SYN3: variants seen among roughly 807,000 people sequenced by gnomAD.
SYN3 encodes the protein synapsin III.
SYN3 carries 35 observed loss-of-function variants against 65.8 expected under a neutral mutation model. The observed-to-expected ratio is 0.53, with a 90% CI of 0.41 to 0.70. The LOEUF (loss-of-function observed/expected upper bound fraction) is 0.70. Ranked by LOEUF, SYN3 falls within the 30% of genes least tolerant of loss-of-function variation. The probability of loss-of-function intolerance (pLI) is 0.00; values close to 1 mark genes in which losing one functional copy is unlikely to be tolerated. For synonymous variants in SYN3, 270 were observed against 292.9 expected (o/e 0.92, Z 0.80); for missense variants, 680 against 749.0 (o/e 0.91, Z 1.08).
At chr22:32,674,784 T>G (rs2060417449) in intron 6 of SYN3, among the ~76,000 whole-genome samples, 1 of 152,214 alleles carries the variant, frequency 6.6e-6, no homozygotes. Flanking sequence ...CCATGATGGC[T>G]TAATAACTTT....
chr22:32,569,897 G>A (rs976104984), intron 7 of SYN3, among the ~76,000 whole-genome samples: 2 of 152,168 alleles, frequency 1.3e-5, no homozygotes, highest in African/African-American at 4.8e-5. Context: ...GTCATTAACC[G>A]TAAGCACCTT....
At chr22:32,524,947 G>A (rs112288230) in intron 12 of SYN3, among the ~76,000 whole-genome samples, 4 of 152,322 alleles carry the variant, frequency 2.6e-5, no homozygotes, top group African/African-American at 9.6e-5. Flanking sequence ...CCCGCGAGGT[G>A]GAGCTTGCGG....
At chr22:32,532,290 G>A (rs533048046) in intron 10 of SYN3, among the ~76,000 whole-genome samples, 190 of 152,246 alleles carry the variant, frequency 1.2e-3, no homozygotes, top group African/African-American at 3.9e-3. Flanking sequence ...GGACCTGGTG[G>A]GGTCTCAGGA....
chr22:32,806,885 A>G (rs1490461727), intron 6 of SYN3, among the ~76,000 whole-genome samples: 1 of 151,896 alleles, frequency 6.6e-6, no homozygotes, highest in Non-Finnish European at 1.5e-5. Flanking sequence ...TTTTCTTCCT[A>G]TACATTTACA....
intron 4 of SYN3, among the ~76,000 whole-genome samples, chr22:32,877,365 C>T (rs140524931): frequency 1.3e-5 from 2 of 152,296 alleles, no homozygotes; most frequent in African/African-American, 4.8e-5. Context: ...AAGGAACTCA[C>T]CAAGGTCACG....
intron 3 of SYN3, among the ~76,000 whole-genome samples, chr22:32,942,494 GA>G (rs1012593573): frequency 1.4e-4 from 22 of 152,164 alleles, no homozygotes; most frequent in Admixed American, 6.5e-4. Flanking sequence ...CAAAGATGGG[GA>G]AAAAACAGAG....
intron 6 of SYN3, among the ~76,000 whole-genome samples, chr22:32,757,021 T>C (rs1260281305): frequency 2.0e-5 from 3 of 150,102 alleles, no homozygotes; most frequent in African/African-American, 7.4e-5. Flanking sequence ...CAAAGTATAA[T>C]TGTCCCTTAA....
intron 1 of SYN3, among the ~76,000 whole-genome samples, chr22:33,021,585 T>C (rs1259799979): frequency 6.6e-6 from 1 of 152,224 alleles, no homozygotes; most frequent in Non-Finnish European, 1.5e-5. Flanking sequence ...TAGTTGCCTT[T>C]GCACTGTCTG....
At chr22:32,934,998 T>C (rs2050731724) in intron 3 of SYN3, among the ~76,000 whole-genome samples, 1 of 152,226 alleles carries the variant, frequency 6.6e-6, no homozygotes, top group Non-Finnish European at 1.5e-5. Context: ...AGGTCTCCCC[T>C]GGAGCCTTCA....
chr22:32,542,567 TTTGC>T (rs1001520045), intron 7 of SYN3, among the ~76,000 whole-genome samples: 49 of 151,004 alleles, frequency 3.2e-4, no homozygotes, highest in Admixed American at 2.7e-3. Flanking sequence ...GTGTGGTGTG[TTTGC>T]TGTGTGTGGT....
chr22:32,575,411 TGGGTGGGGGTTCCCCAAGCATGG>T (rs2058837030), intron 7 of SYN3, among the ~76,000 whole-genome samples: 1 of 149,826 alleles, frequency 6.7e-6, no homozygotes, highest in South Asian at 2.1e-4. Flanking sequence ...GGCGAGGGAG[TGGGTGGGGGTTCCCCAAGCATGG>T]GGGTGGGGGT....
intron 5 of SYN3, among the ~76,000 whole-genome samples, chr22:32,865,994 G>A (rs547621530): frequency 1.3e-5 from 2 of 152,308 alleles, no homozygotes; most frequent in African/African-American, 4.8e-5. Context: ...CCATGCTGTG[G>A]CGTCAGTTGC....
intron 4 of SYN3, chr22:32,931,004 T>A (rs1196693886): frequency 1.2e-5 from 2 of 165,756 alleles, no homozygotes; most frequent in East Asian, 3.3e-4. Context: ...GTACCGCACT[T>A]CAGAGTTAAC....
intron 4 of SYN3, among the ~76,000 whole-genome samples, chr22:32,908,930 T>G (rs1004480784): frequency 2.0e-5 from 3 of 152,166 alleles, no homozygotes; most frequent in Non-Finnish European, 4.4e-5. Flanking sequence ...TAGGGCAGAT[T>G]ATCATAGCAA....
chr22:32,811,673 G>A lies in SYN3; in HGVS notation c.711+53242C>T, dbSNP rs115930274. On this transcript the variant is annotated intron_variant, in intron 6 of 13. Transcript: ENST00000358763. ...TCATTTGATGACAACTTCGCAACGA[G>A]GAAAGCAGGATGGTGATTGGGGGGT... Among the ~76,000 whole-genome samples the A allele has an allele frequency of 5.7e-3, 866 of 152,264 alleles. 11 individuals carry two copies. Among genetic ancestry groups the A allele is most frequent in the African/African-American group, 0.018 (750 of 41,558 alleles).
chr22:32,955,832 T>G (rs1398975299), intron 3 of SYN3, among the ~76,000 whole-genome samples: 2 of 151,922 alleles, frequency 1.3e-5, no homozygotes, highest in Non-Finnish European at 2.9e-5. Flanking sequence ...CCAGTGAATA[T>G]AAAGCAGGCA....
At chr22:32,966,835 G>A (rs2051861458) in intron 3 of SYN3, among the ~76,000 whole-genome samples, 1 of 152,154 alleles carries the variant, frequency 6.6e-6, no homozygotes, top group Admixed American at 6.5e-5. Flanking sequence ...AGGATGGCTT[G>A]AGCCCAGGAG....
At chr22:32,578,676 G>T (rs1390049526) in intron 7 of SYN3, among the ~76,000 whole-genome samples, 1 of 152,178 alleles carries the variant, frequency 6.6e-6, no homozygotes, top group Non-Finnish European at 1.5e-5. Flanking sequence ...AACATAGTAA[G>T]GGCAAGTATT....
intron 6 of SYN3, among the ~76,000 whole-genome samples, chr22:32,820,269 CGTGTGTGT>C (rs374591413): frequency 2.1e-5 from 3 of 144,928 alleles, no homozygotes; most frequent in African/African-American, 5.1e-5. Context: ...TGTGCGTGCG[CGTGTGTGT>C]GTGTGTGTGT....
Sources: gnomAD v4.1 joint callset for allele counts (sites outside exome capture counted in the v4.1 genomes callset) on GRCh38, gnomAD v4.1.1 for gene constraint, MANE v1.5 for transcripts, NCBI Gene and HGNC (gene_info 2026-07-23, HGNC 2026-07-21) for gene names.